The following PLEKHM2 variants were observed in gnomAD, a reference collection of about 807,000 sequenced individuals.
PLEKHM2 encodes the protein pleckstrin homology domain-containing family M member 2.
Under a neutral mutation model 116.3 loss-of-function variants are expected in PLEKHM2, and 77 were observed. The ratio of observed to expected loss-of-function variants is 0.66; its 90% CI spans 0.55 to 0.80. The LOEUF (loss-of-function observed/expected upper bound fraction) is 0.80, where lower values mean the gene tolerates loss of function less well. Ranked by LOEUF, PLEKHM2 falls within the 30% of genes least tolerant of loss-of-function variation. The probability of loss-of-function intolerance (pLI) is 0.00; values close to 1 mark genes in which losing one functional copy is unlikely to be tolerated. For missense variants in PLEKHM2, 1,183 were observed against 1,354.9 expected (o/e 0.87, Z 1.99); for synonymous variants, 562 against 571.0 (o/e 0.98, Z 0.22).
intron 1 of PLEKHM2, among the ~76,000 whole-genome samples, chr1:15,695,226 G>A (rs866558447): frequency 6.6e-6 from 1 of 152,132 alleles, no homozygotes; most frequent in Non-Finnish European, 1.5e-5. Context: ...AATATTATGC[G>A]AGTACAAGGA....
At position 15,727,824 on chromosome 1, in the gene PLEKHM2, G is replaced by A. The variant is rs141219063; in HGVS notation, c.1752G>A (p.Ser584=). 27 of 1,573,922 alleles carry A rather than the reference G, an allele frequency of 1.7e-5. No individual in the cohort carries two copies. The highest frequency in any genetic ancestry group is 1.6e-4 in the African/African-American group (12 of 74,312). The change falls in exon 9 of 20, where the codon TCG becomes TCA. Residue 584 remains serine (S), a synonymous_variant. Transcript: ENST00000375799. The surrounding 1 kb of genome is among the most constrained non-coding windows in gnomAD (Gnocchi z 7.5). ...QGSPSEMVHS[S]EFRVDNNHLL... ...GCCCTTCGGAGATGGTCCATTCCTC[G>A]GAGTTCAGGTAACAAGACTCTGCAG...
chr1:15,682,162 C>T (rs1456335144), upstream of PLEKHM2, among the ~76,000 whole-genome samples: 1 of 152,076 alleles, frequency 6.6e-6, no homozygotes, highest in African/African-American at 2.4e-5. Context: ...CACCACTGCA[C>T]TCCAGCCTGG....
rs202161406 is a variant in PLEKHM2 at position 15,732,549 on chromosome 1, G to A, written c.2805+20G>A. 12 of 1,606,356 alleles carry A rather than the reference G, an allele frequency of 7.5e-6. No homozygotes were observed. The highest frequency in any genetic ancestry group is 6.8e-5 in the Admixed American group (4 of 58,974). ...GTCTTGGTGAGCTTTGAGTGGGGGC[G>A]GGGCTGCAAGGCCTGCAGAAGGAAA... On this transcript the variant is annotated intron_variant, in intron 18 of 19. Transcript: ENST00000375799.
At chr1:15,733,596 G>A (rs1405831626) in intron 19 of PLEKHM2, among the ~76,000 whole-genome samples, 2 of 152,246 alleles carry the variant, frequency 1.3e-5, no homozygotes, top group Admixed American at 6.5e-5. Flanking sequence ...GAGGGAGCTC[G>A]GGGGGCACCA....
At chr1:15,725,047 C>CG (rs1173205700) in intron 7 of PLEKHM2, among the ~76,000 whole-genome samples, 2 of 152,174 alleles carry the variant, frequency 1.3e-5, no homozygotes, top group Non-Finnish European at 2.9e-5. Flanking sequence ...TGCTTCACCG[C>CG]GGGGGCCCTT....
chr1:15,688,649 CAAAAAAAAAA>C (rs36016839), intron 1 of PLEKHM2, among the ~76,000 whole-genome samples: 1 of 88,826 alleles, frequency 1.1e-5, no homozygotes, highest in African/African-American at 3.8e-5. Context: ...GACTCTGTCT[CAAAAAAAAAA>C]AAAAAAAAGG....
At chr1:15,724,135 G>T (rs2068030313) in intron 7 of PLEKHM2, among the ~76,000 whole-genome samples, 1 of 152,226 alleles carries the variant, frequency 6.6e-6, no homozygotes, top group African/African-American at 2.4e-5. Context: ...CCCTCTCGGG[G>T]GCCGTGTCAG....
Position 15,719,965 on chromosome 1 carries a change from A to G in PLEKHM2, c.652+45A>G, listed in dbSNP as rs745815465. 2.0e-6 allele frequency: 3 copies of G among 1,499,348 alleles called. No homozygotes were observed. The Admixed American group carries it at 5.6e-5, about 28-fold the overall frequency. 92.9% of individuals were successfully genotyped at this position (1,499,348 alleles called of 1,614,324 possible). On this transcript the variant is annotated intron_variant, in intron 6 of 19. Transcript: ENST00000375799. The surrounding 1 kb of genome is among the most constrained non-coding windows in gnomAD (Gnocchi z 4.1). ...AAAAGCTAAGCCCCTGTTGTGAAACAGACTTGAACTGCTTAAGCCTGGCTG... is the reference window on the plus strand; with the variant it reads ...AAAAGCTAAGCCCCTGTTGTGAAACGGACTTGAACTGCTTAAGCCTGGCTG...
intron 19 of PLEKHM2, 134 bp downstream of exon 19, chr1:15,732,862 C>T (rs903888890): frequency 2.1e-5 from 13 of 631,818 alleles, no homozygotes; most frequent in Admixed American, 8.7e-5. Context: ...TGTACCAGGG[C>T]GCTCCTGCCT....
intron 1 of PLEKHM2, among the ~76,000 whole-genome samples, chr1:15,702,497 C>A (rs1571032450): frequency 1.3e-5 from 2 of 151,942 alleles, no homozygotes; most frequent in Non-Finnish European, 1.5e-5. Flanking sequence ...CTCACTGTAA[C>A]CTCCGCCTCC....
At chr1:15,703,030 C>T (rs1641149551) in intron 1 of PLEKHM2, among the ~76,000 whole-genome samples, 1 of 152,238 alleles carries the variant, frequency 6.6e-6, no homozygotes, top group South Asian at 2.1e-4. Context: ...GCGCCCAGCC[C>T]TCAGGTGGGG....
In PLEKHM2 at chr1:15,721,244, C is replaced by G; in HGVS notation, c.653-85C>G. The G allele has an allele frequency of 2.1e-5, 14 of 661,302 alleles. No individual in the cohort carries two copies. The highest frequency in any genetic ancestry group is 1.6e-5 in the Non-Finnish European group (6 of 365,010). The allele number at this position is 661,302 out of a possible 1,614,324, so 41.0% of individuals were successfully genotyped here. ...CCTCTCCTATTTTCTCCCCATGTCT[C>G]CCACCCCATTTCCCCTCCCCTCCCT... On this transcript the variant is annotated intron_variant, in intron 6 of 19. Coordinates refer to ENST00000375799, the MANE Select transcript of PLEKHM2 (RefSeq NM_015164.4). The surrounding 1 kb of genome is among the most constrained non-coding windows in gnomAD (Gnocchi z 5.1).
In PLEKHM2 at chr1:15,728,550, TCTC is replaced by T. The variant is rs2068097202; in HGVS notation, c.1922-116_1922-114del. 5.8e-6 allele frequency: 6 copies of T among 1,038,680 alleles called. No individual in the cohort carries two copies. The highest frequency in any genetic ancestry group is 2.6e-5 in the East Asian group (1 of 38,668). 64.3% of individuals were successfully genotyped at this position (1,038,680 alleles called of 1,614,324 possible). On this transcript the variant is annotated intron_variant, in intron 11 of 19. Transcript: ENST00000375799. This position sits in a 1 kb window ranked among gnomAD's most constrained non-coding sequence, Gnocchi z 5.9. ...TCCCTCTGTGAGCACTCCACGCCAT[TCTC>T]CTACTGCAGGGCAAGGAGAGGCCCT... is the stretch of plus-strand genomic sequence containing the variant.
Position 15,700,278 on chromosome 1 carries a change from C to T in PLEKHM2, c.60+15660C>T, listed in dbSNP as rs375012673. On this transcript the variant is annotated intron_variant, in intron 1 of 19. Transcript: ENST00000375799. ...TTTTAGAGACAGGGTCTCGCTCTGT[C>T]ACCCAGGCTCGGATGAGCACTTCTG... Among the ~76,000 whole-genome samples, 15 of 152,248 alleles carry T rather than the reference C, an allele frequency of 9.9e-5. No individual in the cohort carries two copies. The South Asian group carries it at 1.7e-3, about 17-fold the overall frequency.
intron 4 of PLEKHM2, among the ~76,000 whole-genome samples, chr1:15,718,337 A>G (rs1402166634): frequency 6.6e-6 from 1 of 152,244 alleles, no homozygotes; most frequent in Non-Finnish European, 1.5e-5. Flanking sequence ...CTCTGAAGAC[A>G]CTGGCAGGAC....
At chr1:15,732,169 C>A (rs560394399) in intron 17 of PLEKHM2, 121 bp downstream of exon 17, 1 of 1,045,956 alleles carries the variant, frequency 9.6e-7, no homozygotes, top group Non-Finnish European at 1.4e-6. Context: ...CTCCAGGGGG[C>A]AGCCCAGGAA....
Position 15,727,163 on chromosome 1 carries a change from C to T in PLEKHM2, c.1091C>T (p.Ser364Leu), listed in dbSNP as rs375548142. ...RNGSPSLGRD[S>L]PDTMLASPQE... ...GGCAGCCCAAGCCTTGGGCGGGACT[C>T]GCCAGACACTATGCTTGCCTCCCCC... The change falls in exon 9 of 20, where the codon TCG (serine) becomes TTG (leucine). Residue 364 changes from serine to leucine, a missense_variant. Ser to Leu is a moderately radical substitution (Grantham distance 145). Coordinates refer to ENST00000375799, the MANE Select transcript of PLEKHM2 (RefSeq NM_015164.4). The surrounding 1 kb of genome is among the most constrained non-coding windows in gnomAD (Gnocchi z 7.5). 56 of 1,601,108 alleles carry T rather than the reference C, an allele frequency of 3.5e-5. No individual in the cohort carries two copies. The highest frequency in any genetic ancestry group is 4.4e-5 in the Non-Finnish European group (52 of 1,173,510).
intron 7 of PLEKHM2, 121 bp from the exon 8 acceptor site, chr1:15,725,195 CT>C: frequency 1.5e-6 from 1 of 683,418 alleles, no homozygotes; most frequent in East Asian, 2.7e-5. Context: ...GGGGCCACCC[CT>C]GTCAGGTTTC....
At chr1:15,726,772 A>G (rs1284513746) in intron 8 of PLEKHM2, among the ~76,000 whole-genome samples, 1 of 152,154 alleles carries the variant, frequency 6.6e-6, no homozygotes, top group Admixed American at 6.5e-5. Context: ...CTCTGGCTGC[A>G]GCCATCTGTG....
Sources: gnomAD v4.1 joint callset for allele counts (sites outside exome capture counted in the v4.1 genomes callset) on GRCh38, gnomAD v4.1.1 for gene constraint, Gnocchi (gnomAD v3.1) non-coding constraint, MANE v1.5 for transcripts, NCBI Gene and HGNC (gene_info 2026-07-23, HGNC 2026-07-21) for gene names.